Variants in SLX1A observed in about 807,000 individuals in gnomAD.
The protein encoded by SLX1A is structure-specific endonuclease subunit SLX1.
At chr16:30,197,379 GCTCCCTACCCCA>G (rs2073423886) in intron 5 of SLX1A, 22 bp downstream of exon 5, 3 of 964,624 alleles carry the variant, frequency 3.1e-6, no homozygotes, top group Non-Finnish European at 4.6e-6. Flanking sequence ...TTGGTGGCGG[GCTCCCTACCCCA>G]CTCCCTGCCC....
At position 30,195,046 on chromosome 16, in the gene SLX1A, GC is replaced by G; in HGVS notation, c.404del (p.Pro135GlnfsTer75). ...ARLPLTLRWV[R>X]PDLRQDLCLP... ...CTCCCGCTCACGCTGCGCTGGGTGC[GC>G]CCAGACCTCCGCCAGGACCTCTGCC... On this transcript the variant is annotated frameshift_variant, in exon 3 of 6. Transcript: ENST00000251303. LOFTEE classifies it high-confidence loss of function. 1 of 975,578 alleles carries G rather than the reference GC, an allele frequency of 1.0e-6. No individual in the cohort carries two copies. The highest frequency in any genetic ancestry group is 1.4e-6 in the Non-Finnish European group (1 of 702,028). 60.4% of individuals were successfully genotyped at this position (975,578 alleles called of 1,614,324 possible). A position where few individuals can be genotyped will look rare whatever the true frequency, so the allele number is the denominator to read the frequency against.
chr16:30,196,851 AAC>A lies in SLX1A; in HGVS notation c.583-121_583-120del. 8.0e-6 allele frequency: 3 copies of A among 373,340 alleles called. 1 individual carries two copies. The highest frequency in any genetic ancestry group is 7.2e-5 in the South Asian group (3 of 41,658). 23.1% of individuals were successfully genotyped at this position (373,340 alleles called of 1,614,324 possible). On this transcript the variant is annotated intron_variant, in intron 3 of 5. Transcript: ENST00000251303. ...GTTTCTTCATTTGTAAGATGCAAAT[AAC>A]AGTCACCCCTGCCTCATGGGATGGA...
chr16:30,196,678 AT>A, intron 3 of SLX1A: 1 of 73,548 alleles, frequency 1.4e-5, no homozygotes, highest in Non-Finnish European at 2.6e-5. Context: ...CCCTGGGGAC[AT>A]TCAGTGACCT....
Position 30,194,120 on chromosome 16 carries a change from CT to C in SLX1A, c.41del (p.Phe14SerfsTer9). The C allele has an allele frequency of 1.2e-5, 1 of 83,682 alleles. No homozygotes were observed. Among genetic ancestry groups the C allele is most frequent in the Non-Finnish European group, 2.0e-5 (1 of 49,516 alleles). The allele number at this position is 83,682 out of a possible 1,614,324, so 5.2% of individuals were successfully genotyped here. On this transcript the variant is annotated frameshift_variant, in exon 1 of 6. Coordinates refer to ENST00000251303, the MANE Select transcript of SLX1A (RefSeq NM_001014999.3). LOFTEE classifies it high-confidence loss of function. ...CGGGGGTCGCGGCGAGGCCAGGGCG[CT>C]TTTTCGGCGTCTACCTGCTCTACTG... is the stretch of plus-strand genomic sequence containing the variant. ...PAGVAARPGR[F>X]FGVYLLYCLN...
chr16:30,195,232 GGTCCCCCCGA>G lies in SLX1A; in HGVS notation c.582+7_582+16del. On this transcript the variant is annotated splice_donor_region_variant and intron_variant, in intron 3 of 5. Coordinates refer to ENST00000251303, the MANE Select transcript of SLX1A (RefSeq NM_001014999.3). Reference sequence around the variant, plus strand: ...CTGTGCGCCCAGACCATCCAGGTGAGGTCCCCCCGAGGAATGGATGGCTCTAGAGTCCAGA... The same window carrying G: ...CTGTGCGCCCAGACCATCCAGGTGAGGGAATGGATGGCTCTAGAGTCCAGA... The G allele has an allele frequency of 2.3e-5, 6 of 263,184 alleles. No homozygotes were observed. The South Asian group carries it at 2.7e-4, about 12-fold the overall frequency. The allele number at this position is 263,184 out of a possible 1,614,324, so 16.3% of individuals were successfully genotyped here. A position where few individuals can be genotyped will look rare whatever the true frequency, so the allele number is the denominator to read the frequency against.
chr16:30,197,495 CTT>C lies in SLX1A; in HGVS notation c.*32_*33del. On this transcript the variant is annotated 3_prime_UTR_variant, in exon 6 of 6. Coordinates refer to ENST00000251303, the MANE Select transcript of SLX1A (RefSeq NM_001014999.3). Reference sequence around the variant, plus strand: ...TCAGTGTCCTTACCCCCTCCTACCTCTTTTCTGTGCCACCTGCTGTGGGTCCA... The same window carrying C: ...TCAGTGTCCTTACCCCCTCCTACCTCTTCTGTGCCACCTGCTGTGGGTCCA... 4 of 506,884 alleles carry C rather than the reference CTT, an allele frequency of 7.9e-6. 1 individual carries two copies. Among genetic ancestry groups the C allele is most frequent in the African/African-American group, 5.4e-5 (1 of 18,418 alleles). 31.4% of individuals were successfully genotyped at this position (506,884 alleles called of 1,614,324 possible).
Position 30,197,112 on chromosome 16 carries a change from TC to T in SLX1A, c.710+15del. 7.8e-7 allele frequency: 1 copy of T among 1,287,450 alleles called. No individual in the cohort carries two copies. Among genetic ancestry groups the T allele is most frequent in the Non-Finnish European group, 1.0e-6 (1 of 961,142 alleles). 79.8% of individuals were successfully genotyped at this position (1,287,450 alleles called of 1,614,324 possible). A position where few individuals can be genotyped will look rare whatever the true frequency, so the allele number is the denominator to read the frequency against. ...GGGCCAATGCCCTTGGTGAGTGCAG[TC>T]CCCTGGCCCCAGCCTGGTCCACCTC... On this transcript the variant is annotated intron_variant, in intron 4 of 5. Transcript: ENST00000251303.
chr16:30,197,430 TCTGCA>T lies in SLX1A; in HGVS notation c.799-6_799-2del. The T allele has an allele frequency of 1.4e-6, 1 of 740,134 alleles. No homozygotes were observed. Among genetic ancestry groups the T allele is most frequent in the Non-Finnish European group, 2.2e-6 (1 of 463,848 alleles). The allele number at this position is 740,134 out of a possible 1,614,324, so 45.8% of individuals were successfully genotyped here. A position where few individuals can be genotyped will look rare whatever the true frequency, so the allele number is the denominator to read the frequency against. ...GCTGCCTGTGACCACACTGCTTGCC[TCTGCA>T]GGCACACTGGACAGACCTGCTGGAG... On this transcript the variant is annotated splice_acceptor_variant and splice_polypyrimidine_tract_variant and intron_variant, in intron 5 of 5. Coordinates refer to ENST00000251303, the MANE Select transcript of SLX1A (RefSeq NM_001014999.3). LOFTEE classifies it high-confidence loss of function.
intron 1 of SLX1A, 160 bp from the exon 2 acceptor site, chr16:30,194,579 TG>T: frequency 2.6e-6 from 2 of 772,056 alleles, no homozygotes; most frequent in Non-Finnish European, 4.1e-6. Context: ...GTGGGACAGG[TG>T]GGTACCTGGG....
intron 3 of SLX1A, 110 bp from the exon 4 acceptor site, chr16:30,196,863 TG>T: frequency 2.5e-6 from 1 of 400,432 alleles, no homozygotes; most frequent in Non-Finnish European, 4.5e-6. Context: ...CAGTCACCCC[TG>T]CCTCATGGGA....
chr16:30,194,982 G>GTGCTGGCGCACA lies in SLX1A; in HGVS notation c.343_354dup (p.Ala115_Leu118dup). 3 of 1,341,852 alleles carry GTGCTGGCGCACA rather than the reference G, an allele frequency of 2.2e-6. No individual in the cohort carries two copies. Among genetic ancestry groups the GTGCTGGCGCACA allele is most frequent in the Non-Finnish European group, 3.0e-6 (3 of 998,862 alleles). 83.1% of individuals were successfully genotyped at this position (1,341,852 alleles called of 1,614,324 possible). A position where few individuals can be genotyped will look rare whatever the true frequency, so the allele number is the denominator to read the frequency against. On this transcript the variant is annotated inframe_insertion, in exon 3 of 6. Transcript: ENST00000251303. ...GACAGCCTTCGCTTTCCACCTGCGC[G>GTGCTGGCGCACA]TGCTGGCGCACATGCTGCGCGCACC...
chr16:30,194,480 T>TG (rs2073405521), intron 1 of SLX1A: 2 of 550,828 alleles, frequency 3.6e-6, no homozygotes, highest in African/African-American at 4.0e-5. Flanking sequence ...AGGAGCTAGC[T>TG]GGGGCGGGGG....
rs1457773131 is a variant in SLX1A, at chr16:30,197,071, AGCTTCTGCCCCTAGAGG to A, written c.683_699del (p.Leu228ProfsTer6). On this transcript the variant is annotated frameshift_variant, in exon 4 of 6. Coordinates refer to ENST00000251303, the MANE Select transcript of SLX1A (RefSeq NM_001014999.3). LOFTEE classifies it high-confidence loss of function. ...GAGTTTCTTCAGGAAGAACCAGGGC[AGCTTCTGCCCCTAGAGG>A]GCCAATGCCCTTGGTGAGTGCAGTC... 7 of 1,179,952 alleles carry A rather than the reference AGCTTCTGCCCCTAGAGG, an allele frequency of 5.9e-6. No homozygotes were observed. Among genetic ancestry groups the A allele is most frequent in the Non-Finnish European group, 8.1e-6 (7 of 859,498 alleles). 73.1% of individuals were successfully genotyped at this position (1,179,952 alleles called of 1,614,324 possible).
Position 30,195,076 on chromosome 16 carries a change from CGCCGCCGCCGCACGTGCCTCTG to C in SLX1A, c.435_456del (p.Pro146SerfsTer57), listed in dbSNP as rs2073416222. The C allele has an allele frequency of 4.2e-6, 3 of 721,372 alleles. No homozygotes were observed. Among genetic ancestry groups the C allele is most frequent in the Admixed American group, 4.3e-5 (1 of 23,166 alleles). 44.7% of individuals were successfully genotyped at this position (721,372 alleles called of 1,614,324 possible). A position where few individuals can be genotyped will look rare whatever the true frequency, so the allele number is the denominator to read the frequency against. ...GACCTCCGCCAGGACCTCTGCCTCCCGCCGCCGCCGCACGTGCCTCTGGCCTTCGGGCCTCCACCGCCCCAGG... is the reference window on the plus strand; with the variant it reads ...GACCTCCGCCAGGACCTCTGCCTCCCGCCTTCGGGCCTCCACCGCCCCAGG... On this transcript the variant is annotated frameshift_variant, in exon 3 of 6. Coordinates refer to ENST00000251303, the MANE Select transcript of SLX1A (RefSeq NM_001014999.3). LOFTEE classifies it high-confidence loss of function.
Position 30,195,115 on chromosome 16 carries a change from CGCCCCA to C in SLX1A, c.472_477del (p.Pro158_Gln159del). The C allele has an allele frequency of 1.9e-6, 1 of 517,748 alleles. No homozygotes were observed. The highest frequency in any genetic ancestry group is 3.0e-6 in the Non-Finnish European group (1 of 334,494). 32.1% of individuals were successfully genotyped at this position (517,748 alleles called of 1,614,324 possible). The stretch of plus-strand genomic sequence containing the variant: ...GTGCCTCTGGCCTTCGGGCCTCCAC[CGCCCCA>C]GGCCCCGGCCCCAAGGCGCCGCGCA... On this transcript the variant is annotated inframe_deletion, in exon 3 of 6. Transcript: ENST00000251303.
In SLX1A at chr16:30,195,230, GA is replaced by G; in HGVS notation, c.582+4del. 2.6e-5 allele frequency: 7 copies of G among 268,574 alleles called. No individual in the cohort carries two copies. The South Asian group carries it at 3.1e-4, about 12-fold the overall frequency. The allele number at this position is 268,574 out of a possible 1,614,324, so 16.6% of individuals were successfully genotyped here. ...CCCTGTGCGCCCAGACCATCCAGGTGAGGTCCCCCCGAGGAATGGATGGCTC... is the reference window on the plus strand; with the variant it reads ...CCCTGTGCGCCCAGACCATCCAGGTGGGTCCCCCCGAGGAATGGATGGCTC... On this transcript the variant is annotated splice_donor_region_variant and intron_variant, in intron 3 of 5. Coordinates refer to ENST00000251303, the MANE Select transcript of SLX1A (RefSeq NM_001014999.3).
intron 1 of SLX1A, 109 bp from the exon 2 acceptor site, chr16:30,194,629 GCA>G: frequency 7.2e-7 from 1 of 1,396,440 alleles, no homozygotes; most frequent in East Asian, 2.5e-5. Flanking sequence ...GCAGAGGGCT[GCA>G]CTTCTCGGCT....
At chr16:30,194,823 GT>G (rs2073410848) in intron 2 of SLX1A, 32 bp downstream of exon 2, 2 of 1,590,826 alleles carry the variant, frequency 1.3e-6, no homozygotes, top group Non-Finnish European at 8.6e-7. Flanking sequence ...CGGCGGCCGG[GT>G]GAGGGCTTGG....
chr16:30,194,772 C>CA lies in SLX1A; in HGVS notation c.221_222insA (p.Ser75LeufsTer8), dbSNP rs777008609. The stretch of plus-strand genomic sequence containing the variant: ...GTGCTCGTCGTGCACGGCTTCCCGT[C>CA]CTCCGTGGCCGCCCTTCGGGTAAGG... On this transcript the variant is annotated frameshift_variant, in exon 2 of 6. Transcript: ENST00000251303. LOFTEE classifies it high-confidence loss of function. The CA allele has an allele frequency of 6.2e-7, 1 of 1,612,754 alleles. No individual in the cohort carries two copies. Among genetic ancestry groups the CA allele is most frequent in the African/African-American group, 1.3e-5 (1 of 74,942 alleles).
Sources: allele counts gnomAD v4.1 joint callset, GRCh38; gene constraint gnomAD v4.1.1; transcripts MANE v1.5; gene names NCBI Gene and HGNC (gene_info 2026-07-23, HGNC 2026-07-21).